Variants in PRUNE2 observed in about 807,000 individuals in gnomAD.
PRUNE2 encodes the protein protein prune homolog 2.
In PRUNE2, 164 loss-of-function variants were observed where a neutral mutation model predicts 252.0. The ratio of observed to expected loss-of-function variants is 0.65; its 90% CI spans 0.57 to 0.74. The LOEUF is 0.74. Ranked by LOEUF, PRUNE2 falls within the 30% of genes least tolerant of loss-of-function variation. PRUNE2 has a pLI of 0.00. For missense variants in PRUNE2, 3,495 were observed against 3,711.0 expected (o/e 0.94, Z 1.51); for synonymous variants, 1,292 against 1,350.2 (o/e 0.96, Z 0.94).
intron 6 of PRUNE2, among the ~76,000 whole-genome samples, chr9:76,732,207 G>C (rs1306899408): frequency 1.3e-5 from 2 of 152,134 alleles, no homozygotes; most frequent in African/African-American, 4.8e-5. Flanking sequence ...CCAGCTACTG[G>C]GGGCTGAGGC....
intron 6 of PRUNE2, chr9:76,733,571 T>A (rs1018473107): frequency 2.6e-5 from 4 of 152,016 alleles, no homozygotes; most frequent in Admixed American, 6.6e-5. Flanking sequence ...GCTAATTTTT[T>A]TTTTTTTATT....
At chr9:76,863,607 C>A (rs1457438690) in intron 1 of PRUNE2, among the ~76,000 whole-genome samples, 4 of 152,312 alleles carry the variant, frequency 2.6e-5, no homozygotes, top group African/African-American at 9.6e-5. Flanking sequence ...AATAAGCATG[C>A]ATTATTTAAT....
In PRUNE2 at chr9:76,707,865, T is replaced by C; in HGVS notation, c.4409A>G (p.Asn1470Ser). The C allele has an allele frequency of 6.2e-7, 1 of 1,613,732 alleles. No individual in the cohort carries two copies. Among genetic ancestry groups the C allele is most frequent in the Non-Finnish European group, 8.5e-7 (1 of 1,179,810 alleles). ...ACCCACGTTCTCTGGCTCTAGAAAG[T>C]TACATTCTTCAGTTTTCTCAAGATC... is the stretch of plus-strand genomic sequence containing the variant. ...EKDLEKTEEC[N>S]FLEPENVGGG... The change falls in exon 8 of 19, where the codon AAC becomes AGC. Residue 1470 changes from asparagine to serine, a missense_variant. Coordinates refer to ENST00000376718, the MANE Select transcript of PRUNE2 (RefSeq NM_015225.3).
At chr9:76,806,728 C>T (rs1019812037) in intron 6 of PRUNE2, among the ~76,000 whole-genome samples, 8 of 151,048 alleles carry the variant, frequency 5.3e-5, no homozygotes, top group African/African-American at 1.9e-4. Context: ...CCGTGTTAGC[C>T]AGGATGGTCT....
chr9:76,754,071 A>G (rs10217638), intron 6 of PRUNE2, among the ~76,000 whole-genome samples: 100,003 of 151,982 alleles, frequency 0.66, 33,664 homozygotes, highest in East Asian at 0.84. Context: ...CTGGAACTCA[A>G]GTTTTATGAC....
intron 6 of PRUNE2, among the ~76,000 whole-genome samples, chr9:76,775,629 C>T (rs913807484): frequency 6.6e-6 from 1 of 152,148 alleles, no homozygotes; most frequent in African/African-American, 2.4e-5. Flanking sequence ...ATCATTTTCT[C>T]AGTCTGTCCA....
chr9:76,849,786 A>G (rs1053117545), intron 3 of PRUNE2, among the ~76,000 whole-genome samples: 3 of 152,140 alleles, frequency 2.0e-5, no homozygotes, highest in Non-Finnish European at 4.4e-5. Context: ...AGATGGAGCC[A>G]ATGCACGCCA....
intron 6 of PRUNE2, among the ~76,000 whole-genome samples, chr9:76,816,725 G>T (rs1372595415): frequency 1.3e-5 from 2 of 152,090 alleles, no homozygotes; most frequent in Non-Finnish European, 2.9e-5. Flanking sequence ...TTTCATTTCA[G>T]TAAAAAATCT....
intron 6 of PRUNE2, among the ~76,000 whole-genome samples, chr9:76,796,787 A>G (rs551698489): frequency 6.6e-6 from 1 of 152,336 alleles, no homozygotes; most frequent in South Asian, 2.1e-4. Context: ...CCGTGTGGGT[A>G]GACCCCATCC....
chr9:76,647,698 C>A (rs1470656999), intron 11 of PRUNE2, among the ~76,000 whole-genome samples: 1 of 152,190 alleles, frequency 6.6e-6, no homozygotes. Context: ...GGTGCAGTGG[C>A]TCACGCCTGT....
chr9:76,654,371 T>C (rs1848486087), intron 10 of PRUNE2, among the ~76,000 whole-genome samples: 1 of 152,214 alleles, frequency 6.6e-6, no homozygotes, highest in Admixed American at 6.5e-5. Context: ...TCACCCAAAC[T>C]CTGTTCTAGG....
Position 76,711,015 on chromosome 9 carries a change from T to A in PRUNE2, c.1259A>T (p.Asn420Ile). 6.2e-7 allele frequency: 1 copy of A among 1,613,910 alleles called. No individual in the cohort carries two copies. Among genetic ancestry groups the A allele is most frequent in the Non-Finnish European group, 8.5e-7 (1 of 1,179,844 alleles). The change falls in exon 8 of 19, where the codon AAT (asparagine) becomes ATT (isoleucine). Residue 420 changes from asparagine (N) to isoleucine (I), a missense_variant. By Grantham distance (149) the Asn-to-Ile change is moderately radical. Transcript: ENST00000376718. ...NDSNQAQVDA[N>I]VDLVSPDSGL... The stretch of plus-strand genomic sequence containing the variant: ...GCTGTCTGGGCTAACAAGGTCTACA[T>A]TGGCATCCACCTGAGCCTGGTTAGA...
chr9:76,885,665 G>A (rs55969424), intron 1 of PRUNE2, among the ~76,000 whole-genome samples: 8 of 152,070 alleles, frequency 5.3e-5, no homozygotes, highest in Non-Finnish European at 8.8e-5. Flanking sequence ...AGCAAAGTAC[G>A]ATGGCTATGC....
intron 7 of PRUNE2, among the ~76,000 whole-genome samples, chr9:76,711,934 C>A (rs968795591): frequency 6.6e-6 from 1 of 152,124 alleles, no homozygotes; most frequent in Non-Finnish European, 1.5e-5. Context: ...CCAAAACAGG[C>A]AAAGCTAACC....
rs1350401503 is a variant in PRUNE2 at position 76,703,868 on chromosome 9, T to C, written c.7745A>G (p.Lys2582Arg). The C allele has an allele frequency of 1.9e-6, 3 of 1,613,952 alleles. No individual in the cohort carries two copies. The change falls in exon 9 of 19, where the codon AAA becomes AGA. Residue 2582 changes from lysine (K) to arginine (R), a missense_variant. Lys to Arg is a conservative substitution (Grantham distance 26, BLOSUM62 2). Transcript: ENST00000376718. ...CTGAGTTCCCTGCAGCCCTGTTTCT[T>C]TGGAACCTACATACAATTCTAATTC... ...IAELELYVGSKETGLQGTQLA... is the reference protein window; with the variant it reads ...IAELELYVGSRETGLQGTQLA...
intron 9 of PRUNE2, among the ~76,000 whole-genome samples, chr9:76,663,974 A>G (rs910205240): frequency 1.3e-5 from 2 of 152,228 alleles, no homozygotes; most frequent in Non-Finnish European, 1.5e-5. Context: ...GAACATGTTC[A>G]AAACCTAATC....
At chr9:76,663,478 G>T (rs1163185500) in intron 9 of PRUNE2, among the ~76,000 whole-genome samples, 2 of 151,924 alleles carry the variant, frequency 1.3e-5, no homozygotes, top group East Asian at 1.9e-4. Flanking sequence ...CAGAGGTGGG[G>T]GACACGACGC....
chr9:76,729,927 A>T (rs184155129), intron 6 of PRUNE2, among the ~76,000 whole-genome samples: 81 of 152,340 alleles, frequency 5.3e-4, no homozygotes, highest in Non-Finnish European at 8.8e-4. Flanking sequence ...CTACATTTTT[A>T]CAAGTCTGCC....
At chr9:76,615,608 T>C (rs1829080565) in intron 18 of PRUNE2, among the ~76,000 whole-genome samples, 1 of 152,184 alleles carries the variant, frequency 6.6e-6, no homozygotes, top group African/African-American at 2.4e-5. Flanking sequence ...AGTTTCCATT[T>C]CTGTATCTGT....
Sources: gnomAD v4.1 joint callset for allele counts (sites outside exome capture counted in the v4.1 genomes callset) on GRCh38, gnomAD v4.1.1 for gene constraint, MANE v1.5 for transcripts, NCBI Gene and HGNC (gene_info 2026-07-23, HGNC 2026-07-21) for gene names.